AXDND1: variants seen among roughly 807,000 people sequenced by gnomAD.
AXDND1 encodes the protein axonemal dynein light chain domain containing 1.
AXDND1 carries 110 observed loss-of-function variants against 137.5 expected under a neutral mutation model. That is an observed-to-expected ratio of 0.80 (90% CI 0.69 to 0.94). The LOEUF is 0.94. AXDND1 is among the 40% of genes least tolerant of loss of function. AXDND1 has a pLI of 0.00. For missense variants in AXDND1, 1,191 were observed against 1,169.8 expected (o/e 1.02, Z -0.26); for synonymous variants, 414 against 399.7 (o/e 1.04, Z -0.43).
intron 16 of AXDND1, among the ~76,000 whole-genome samples, chr1:179,462,262 C>G (rs369581569): frequency 6.6e-6 from 1 of 152,072 alleles, no homozygotes; most frequent in East Asian, 1.9e-4. Context: ...TGAAGGGCTG[C>G]TGAATTTTGT....
At chr1:179,398,363 G>T (rs145346796) in intron 11 of AXDND1, among the ~76,000 whole-genome samples, 6 of 152,084 alleles carry the variant, frequency 3.9e-5, no homozygotes, top group African/African-American at 7.2e-5. Flanking sequence ...CCACTGCACT[G>T]GGGGGAGCTG....
At chr1:179,489,073 C>T (rs1465086373) in intron 18 of AXDND1, among the ~76,000 whole-genome samples, 1 of 127,640 alleles carries the variant, frequency 7.8e-6, no homozygotes, top group African/African-American at 3.4e-5. Context: ...GCTAATTACT[C>T]ACTTGTTATC....
intron 16 of AXDND1, among the ~76,000 whole-genome samples, chr1:179,464,880 A>G (rs926388580): frequency 6.6e-6 from 1 of 152,120 alleles, no homozygotes; most frequent in African/African-American, 2.4e-5. Context: ...TCAATCACTG[A>G]TACTCTTTCT....
At chr1:179,377,089 G>A (rs887014216) in intron 4 of AXDND1, among the ~76,000 whole-genome samples, 2 of 151,924 alleles carry the variant, frequency 1.3e-5, no homozygotes, top group African/African-American at 4.8e-5. Flanking sequence ...ACACCACCAC[G>A]CCCGGCTAAT....
intron 25 of AXDND1, among the ~76,000 whole-genome samples, chr1:179,549,118 T>C (rs1194107156): frequency 2.0e-5 from 3 of 151,772 alleles, no homozygotes; most frequent in African/African-American, 7.3e-5. Context: ...TATTAAATTA[T>C]CAGGAAAAAA....
intron 6 of AXDND1, among the ~76,000 whole-genome samples, chr1:179,381,844 G>C: frequency 6.6e-6 from 1 of 151,330 alleles, no homozygotes; most frequent in East Asian, 2.0e-4. Context: ...GCAGTGGCGT[G>C]ATCTTGGCTC....
chr1:179,501,113 C>T (rs1305783665), intron 20 of AXDND1, among the ~76,000 whole-genome samples: 1 of 152,166 alleles, frequency 6.6e-6, no homozygotes, highest in Non-Finnish European at 1.5e-5. Flanking sequence ...TTCTATTAAA[C>T]AGCACTAATC....
intron 12 of AXDND1, among the ~76,000 whole-genome samples, chr1:179,416,971 C>T (rs767864187): frequency 1.1e-4 from 16 of 152,116 alleles, no homozygotes; most frequent in Non-Finnish European, 1.8e-4. Flanking sequence ...TAGAACAGTT[C>T]TCCTTTCTCC....
intron 12 of AXDND1, among the ~76,000 whole-genome samples, chr1:179,426,264 A>G (rs1413230973): frequency 6.6e-6 from 1 of 152,226 alleles, no homozygotes; most frequent in Non-Finnish European, 1.5e-5. Flanking sequence ...AAAGTGGTAG[A>G]ATAAATAAAT....
chr1:179,537,772 T>C (rs1558318565), intron 25 of AXDND1, among the ~76,000 whole-genome samples: 1 of 152,168 alleles, frequency 6.6e-6, no homozygotes, highest in Non-Finnish European at 1.5e-5. Context: ...GAATGGTACC[T>C]GCTCCTCTTT....
At chr1:179,406,080 T>C (rs1260144506) in intron 11 of AXDND1, among the ~76,000 whole-genome samples, 1 of 152,160 alleles carries the variant, frequency 6.6e-6, no homozygotes, top group East Asian at 1.9e-4. Context: ...TTTCAAGACA[T>C]TTAAAAATTT....
intron 21 of AXDND1, among the ~76,000 whole-genome samples, chr1:179,516,119 C>T (rs1317750452): frequency 6.6e-6 from 1 of 152,014 alleles, no homozygotes; most frequent in Non-Finnish European, 1.5e-5. Context: ...AACATAATCC[C>T]AGACTTCTTG....
At chr1:179,447,498 A>C in intron 16 of AXDND1, 1 of 519,980 alleles carries the variant, frequency 1.9e-6, no homozygotes, top group Admixed American at 3.5e-5. Flanking sequence ...AGGAATAGGT[A>C]TAGATTCTAC....
At chr1:179,421,074 TTCC>T (rs1655628180) in intron 12 of AXDND1, among the ~76,000 whole-genome samples, 2 of 151,206 alleles carry the variant, frequency 1.3e-5, no homozygotes, top group East Asian at 3.9e-4. Flanking sequence ...CCTTCCTTCC[TTCC>T]TTCCTTCCTT....
chr1:179,399,719 C>T (rs1187842385), intron 11 of AXDND1, among the ~76,000 whole-genome samples: 1 of 152,040 alleles, frequency 6.6e-6, no homozygotes, highest in Admixed American at 6.6e-5. Context: ...TGAACTCAAA[C>T]AAATCGGTAA....
intron 18 of AXDND1, among the ~76,000 whole-genome samples, chr1:179,484,211 G>C (rs1665761064): frequency 6.6e-6 from 1 of 152,204 alleles, no homozygotes; most frequent in South Asian, 2.1e-4. Flanking sequence ...ACAGTCACTT[G>C]AGCTGGCAGA....
intron 22 of AXDND1, among the ~76,000 whole-genome samples, chr1:179,527,384 T>C (rs992742438): frequency 2.6e-5 from 4 of 152,214 alleles, no homozygotes; most frequent in Admixed American, 2.0e-4. Flanking sequence ...TGCTGACCTT[T>C]TGTCTCATCC....
At chr1:179,530,735 C>A (rs1670967743) in intron 23 of AXDND1, among the ~76,000 whole-genome samples, 1 of 152,140 alleles carries the variant, frequency 6.6e-6, no homozygotes, top group Non-Finnish European at 1.5e-5. Context: ...ACCAAAAAAT[C>A]TGGAGAAAGA....
intron 21 of AXDND1, among the ~76,000 whole-genome samples, chr1:179,517,156 C>T (rs1180395736): frequency 6.6e-6 from 1 of 152,140 alleles, no homozygotes; most frequent in Non-Finnish European, 1.5e-5. Context: ...GTGAGTTTCC[C>T]AGGTCAGTGG....
Sources: allele counts gnomAD v4.1 joint callset (sites outside exome capture counted in the v4.1 genomes callset), GRCh38; gene constraint gnomAD v4.1.1; transcripts MANE v1.5; gene names NCBI Gene and HGNC (gene_info 2026-07-23, HGNC 2026-07-21).